Variants in CRISPLD1 observed in about 807,000 individuals in gnomAD.
The protein encoded by CRISPLD1 is cysteine rich secretory protein LCCL domain containing 1.
CRISPLD1 carries 60 observed loss-of-function variants against 77.5 expected under a neutral mutation model. The observed-to-expected ratio is 0.77, with a 90% CI of 0.63 to 0.96. The LOEUF is 0.96. CRISPLD1 is among the 40% of genes least tolerant of loss of function. The pLI, the probability that CRISPLD1 is intolerant of heterozygous loss-of-function variation, is 0.00. For missense variants in CRISPLD1, 623 were observed against 615.8 expected (o/e 1.01, Z -0.12); for synonymous variants, 195 against 200.1 (o/e 0.97, Z 0.22).
intron 2 of CRISPLD1, among the ~76,000 whole-genome samples, chr8:75,003,061 A>G (rs947440258): frequency 9.9e-5 from 15 of 152,212 alleles, no homozygotes; most frequent in Admixed American, 2.6e-4. Flanking sequence ...CAAGGAAAAC[A>G]GGAAACCGTA....
At chr8:75,030,899 CAT>C (rs1297639483) in intron 14 of CRISPLD1, among the ~76,000 whole-genome samples, 1 of 151,714 alleles carries the variant, frequency 6.6e-6, no homozygotes, top group African/African-American at 2.4e-5. Context: ...TCTATATACA[CAT>C]ATACATACAT....
chr8:75,013,934 G>T, intron 4 of CRISPLD1, 53 bp from the exon 5 acceptor site: 2 of 1,149,950 alleles, frequency 1.7e-6, no homozygotes, highest in South Asian at 2.5e-5. Context: ...CAGAAGTGTT[G>T]TCCTATTTCA....
chr8:74,995,173 A>T (rs1812627925), intron 2 of CRISPLD1, among the ~76,000 whole-genome samples: 1 of 152,184 alleles, frequency 6.6e-6, no homozygotes, highest in Non-Finnish European at 1.5e-5. Flanking sequence ...AAAGGCAGGG[A>T]AGGTGAGAAG....
chr8:75,016,808 C>T (rs1813037598), intron 7 of CRISPLD1, 73 bp from the exon 8 acceptor site: 2 of 1,531,626 alleles, frequency 1.3e-6, no homozygotes, highest in Admixed American at 2.0e-5. Context: ...AAAATTTTGT[C>T]ATTAGGCTAT....
intron 2 of CRISPLD1, among the ~76,000 whole-genome samples, chr8:74,992,957 C>T (rs1170928840): frequency 6.8e-6 from 1 of 147,134 alleles, no homozygotes; most frequent in Non-Finnish European, 1.5e-5. Context: ...AAGATAACTC[C>T]AGAAACTGGA....
chr8:75,032,473 C>A lies in CRISPLD1; in HGVS notation c.*231C>A. 2.7e-6 allele frequency: 1 copy of A among 364,158 alleles called. No homozygotes were observed. 22.6% of individuals were successfully genotyped at this position (364,158 alleles called of 1,614,324 possible). A position where few individuals can be genotyped will look rare whatever the true frequency, so the allele number is the denominator to read the frequency against. On this transcript the variant is annotated 3_prime_UTR_variant, in exon 15 of 15. Transcript: ENST00000262207. Reference sequence around the variant, plus strand: ...TTTAGAAATCCTGTGTTAAATATTGCTATATTTTCTTAGCAGTTATTTCTA... The same window carrying A: ...TTTAGAAATCCTGTGTTAAATATTGATATATTTTCTTAGCAGTTATTTCTA...
rs1812488915 is a variant in CRISPLD1 at position 74,985,973 on chromosome 8, C to T, written c.-15C>T. ...TCTTGGAGATTTTCCTGGGGAAATC[C>T]TGAGGTCATTCATTATGAAGTGTAC... On this transcript the variant is annotated 5_prime_UTR_variant, in exon 2 of 15. Coordinates refer to ENST00000262207, the MANE Select transcript of CRISPLD1 (RefSeq NM_031461.6). 2 of 1,602,106 alleles carry T rather than the reference C, an allele frequency of 1.2e-6. No individual in the cohort carries two copies. Among genetic ancestry groups the T allele is most frequent in the Non-Finnish European group, 1.7e-6 (2 of 1,171,076 alleles).
chr8:75,023,125 A>G (rs1055111331), intron 12 of CRISPLD1, among the ~76,000 whole-genome samples: 2 of 151,716 alleles, frequency 1.3e-5, no homozygotes, highest in African/African-American at 2.4e-5. Flanking sequence ...CCTTCTCAGT[A>G]GTATGTAACA....
intron 14 of CRISPLD1, among the ~76,000 whole-genome samples, chr8:75,030,834 CTG>C (rs1450377107): frequency 6.6e-6 from 1 of 150,614 alleles, no homozygotes; most frequent in African/African-American, 2.4e-5. Flanking sequence ...ATATGTGTTT[CTG>C]TGTATATATG....
chr8:75,029,573 T>C, intron 14 of CRISPLD1, 56 bp downstream of exon 14: 2 of 1,542,774 alleles, frequency 1.3e-6, no homozygotes, highest in Non-Finnish European at 1.8e-6. Flanking sequence ...ACTGTATTCA[T>C]GATTGCTTTA....
chr8:75,004,481 A>G lies in CRISPLD1; in HGVS notation c.259-7952A>G, dbSNP rs146353308. Among the ~76,000 whole-genome samples the G allele has an allele frequency of 5.3e-5, 8 of 152,284 alleles. No homozygotes were observed. The East Asian group carries it at 1.5e-3, about 29-fold the overall frequency. On this transcript the variant is annotated intron_variant, in intron 2 of 14. Transcript: ENST00000262207. The stretch of plus-strand genomic sequence containing the variant: ...TTTACAGATTTTATAATGAGTCATT[A>G]TATTTGAAATTTGAATCTGATGTAT...
chr8:75,006,636 C>T (rs947306914), intron 2 of CRISPLD1, among the ~76,000 whole-genome samples: 22 of 151,932 alleles, frequency 1.4e-4, no homozygotes, highest in African/African-American at 5.1e-4. Context: ...TTCTGTGTAG[C>T]GGTTAGGGTG....
intron 1 of CRISPLD1, 119 bp from the exon 2 acceptor site, chr8:74,985,807 G>T: frequency 2.9e-6 from 2 of 687,056 alleles, no homozygotes; most frequent in Non-Finnish European, 4.9e-6. Flanking sequence ...TCCATTTTCT[G>T]CTGTTAAATA....
chr8:74,989,219 C>G (rs1411864528), intron 2 of CRISPLD1, among the ~76,000 whole-genome samples: 1 of 152,106 alleles, frequency 6.6e-6, no homozygotes, highest in Non-Finnish European at 1.5e-5. Context: ...AAAGCACAGA[C>G]CTTGTGGCAG....
At chr8:74,996,612 G>A (rs1162715883) in intron 2 of CRISPLD1, among the ~76,000 whole-genome samples, 1 of 151,180 alleles carries the variant, frequency 6.6e-6, no homozygotes, top group Non-Finnish European at 1.5e-5. Context: ...CAGGAATAAG[G>A]TTGGAATTTA....
rs956315931 is a variant in CRISPLD1, at chr8:75,000,358, G to A, written c.259-12075G>A. 5.1e-6 allele frequency: 5 copies of A among 985,316 alleles called. No homozygotes were observed. The African/African-American group carries it at 5.2e-5, about 10-fold the overall frequency. The allele number at this position is 985,316 out of a possible 1,614,324, so 61.0% of individuals were successfully genotyped here. On this transcript the variant is annotated intron_variant, in intron 2 of 14. Coordinates refer to ENST00000262207, the MANE Select transcript of CRISPLD1 (RefSeq NM_031461.6). ...ATGGAATAAGAACATGGAAACTCCT[G>A]TGTGGAAAGAAAAGGCCAAGAGGTC...
rs191960946 is a variant in CRISPLD1, at chr8:74,990,371, T to C, written c.258+4126T>C. ...GAATAGCTTTGCTTTCTTCAAGTGTTTGCCGTATGGGTTTTAAGATCCCAT... is the reference window on the plus strand; with the variant it reads ...GAATAGCTTTGCTTTCTTCAAGTGTCTGCCGTATGGGTTTTAAGATCCCAT... On this transcript the variant is annotated intron_variant, in intron 2 of 14. Coordinates refer to ENST00000262207, the MANE Select transcript of CRISPLD1 (RefSeq NM_031461.6). Among the ~76,000 whole-genome samples the C allele has an allele frequency of 4.5e-3, 691 of 152,296 alleles. 2 individuals are homozygous for C. Among genetic ancestry groups the C allele is most frequent in the Non-Finnish European group, 7.9e-3 (537 of 68,012 alleles).
rs1443850720 is a variant in CRISPLD1, at chr8:75,012,908, T to C, written c.396T>C (p.Phe132=). The C allele has an allele frequency of 6.2e-7, 1 of 1,612,086 alleles. No homozygotes were observed. The highest frequency in any genetic ancestry group is 8.5e-7 in the Non-Finnish European group (1 of 1,178,956). The change falls in exon 4 of 15, where the codon TTT becomes TTC. Residue 132 remains phenylalanine (F), a synonymous_variant. Coordinates refer to ENST00000262207, the MANE Select transcript of CRISPLD1 (RefSeq NM_031461.6). ...AHWGRYRPPT[F]HVQSWYDEVK... is the part of the protein sequence containing the mutation. ...CTAATAGATATAGGCCCCCGACGTT[T>C]CATGTACAATCGTGGTATGATGAAG...
intron 13 of CRISPLD1, 154 bp from the exon 14 acceptor site, chr8:75,029,233 C>A: frequency 1.3e-6 from 1 of 774,840 alleles, no homozygotes; most frequent in Non-Finnish European, 2.0e-6. Flanking sequence ...GTTTCAAACA[C>A]TCTTTTATGC....
Sources: allele counts gnomAD v4.1 joint callset (sites outside exome capture counted in the v4.1 genomes callset), GRCh38; gene constraint gnomAD v4.1.1; transcripts MANE v1.5; gene names NCBI Gene and HGNC (gene_info 2026-07-23, HGNC 2026-07-21).